The following KIAA0232 variants were observed in gnomAD, a reference collection of about 807,000 sequenced individuals.
KIAA0232 encodes uncharacterized protein KIAA0232.
KIAA0232 carries 27 observed loss-of-function variants against 122.0 expected under a neutral mutation model. That is an observed-to-expected ratio of 0.22 (90% CI 0.16 to 0.31). The LOEUF is 0.31. Among genes scored for constraint, KIAA0232 ranks in the 10% least tolerant of loss-of-function variants. The pLI is 1.00. For synonymous variants in KIAA0232, 613 were observed against 587.6 expected, an observed-to-expected ratio of 1.04 and a Z score of -0.63; for missense variants, 1,551 against 1,634.2, an observed-to-expected ratio of 0.95 and a Z score of 0.88.
In KIAA0232 at chr4:6,863,708, G is replaced by T. The variant is rs771540730; in HGVS notation, c.3326G>T (p.Arg1109Leu). ...AIRISPRTHF[R>L]PISASELSPG... ...CGGATCTCTCCTCGGACTCACTTTC[G>T]CCCAATTTCTGCATCCGAACTGTCC... The change falls in exon 7 of 10, where the codon CGC (arginine) becomes CTC (leucine). Residue 1109 changes from arginine to leucine, a missense_variant. By Grantham distance (102) the Arg-to-Leu change is moderately radical. Transcript: ENST00000307659. 6.2e-7 allele frequency: 1 copy of T among 1,614,124 alleles called. No individual in the cohort carries two copies. Among genetic ancestry groups the T allele is most frequent in the Non-Finnish European group, 8.5e-7 (1 of 1,180,018 alleles).
rs1390582816 is a variant in KIAA0232, at chr4:6,863,616, T to C, written c.3234T>C (p.Ser1078=). ...PSFKPKSILC[S]DSDSEVFHPR... ...TTAAACCGAAATCAATCCTCTGTTCTGATTCAGACAGTGAAGTGTTTCACC... is the reference window on the plus strand; with the variant it reads ...TTAAACCGAAATCAATCCTCTGTTCCGATTCAGACAGTGAAGTGTTTCACC... The change falls in exon 7 of 10, where the codon TCT becomes TCC. Residue 1078 remains serine (S), a synonymous_variant. Transcript: ENST00000307659. 3 of 1,614,210 alleles carry C rather than the reference T, an allele frequency of 1.9e-6. No homozygotes were observed. The Admixed American group carries it at 5.0e-5, about 27-fold the overall frequency.
chr4:6,843,594 A>G (rs1719779877), intron 4 of KIAA0232, among the ~76,000 whole-genome samples: 1 of 152,042 alleles, frequency 6.6e-6, no homozygotes, highest in Non-Finnish European at 1.5e-5. Context: ...ACATAGTGAA[A>G]CCCCATCTCT....
At chr4:6,840,148 C>T (rs1024141303) in intron 3 of KIAA0232, among the ~76,000 whole-genome samples, 1 of 152,192 alleles carries the variant, frequency 6.6e-6, no homozygotes, top group Non-Finnish European at 1.5e-5. Context: ...TGCTCTGCCT[C>T]TCTGCCTACC....
chr4:6,830,708 G>C (rs1390940377), intron 3 of KIAA0232, among the ~76,000 whole-genome samples: 1 of 151,950 alleles, frequency 6.6e-6, no homozygotes, highest in Non-Finnish European at 1.5e-5. Flanking sequence ...TGCCCGGCCT[G>C]TTTTCTTTAT....
At chr4:6,840,010 C>G (rs1223328497) in intron 3 of KIAA0232, among the ~76,000 whole-genome samples, 1 of 152,096 alleles carries the variant, frequency 6.6e-6, no homozygotes, top group Non-Finnish European at 1.5e-5. Flanking sequence ...GTATCTCATT[C>G]ACAAGCAACC....
Position 6,855,338 on chromosome 4 carries a change from T to C in KIAA0232, c.370-1826T>C, listed in dbSNP as rs1321318882. Among the ~76,000 whole-genome samples the C allele has an allele frequency of 6.6e-6, 1 of 152,132 alleles. No homozygotes were observed. Among genetic ancestry groups the C allele is most frequent in the African/African-American group, 2.4e-5 (1 of 41,432 alleles). The stretch of plus-strand genomic sequence containing the variant: ...CCTGACCTCAAGTGATCCACCCACC[T>C]TGGCCTCCCAAAGTGCTGGGATTAC... On this transcript the variant is annotated intron_variant, in intron 4 of 9. Transcript: ENST00000307659. This position sits in a 1 kb window ranked among gnomAD's most constrained non-coding sequence, Gnocchi z 4.3.
rs752568385 is a variant in KIAA0232, at chr4:6,861,449, G to A, written c.1067G>A (p.Ser356Asn). The A allele has an allele frequency of 1.5e-5, 25 of 1,614,100 alleles. No individual in the cohort carries two copies. Among genetic ancestry groups the A allele is most frequent in the Non-Finnish European group, 1.9e-5 (23 of 1,180,044 alleles). The change falls in exon 7 of 10, where the codon AGT (serine) becomes AAT (asparagine). Residue 356 changes from serine (S) to asparagine (N), a missense_variant. Ser to Asn is a conservative substitution (Grantham distance 46, BLOSUM62 1). This residue lies in a region of KIAA0232 where 377 missense variants were observed against 381.7 expected (regional missense o/e 0.99). Coordinates refer to ENST00000307659, the MANE Select transcript of KIAA0232 (RefSeq NM_014743.3). ...ACTGGAAGTAGTAGCAGTAGCAGCAGTGGTTCTGTCAAACAGCTGTGCAAG... is the reference window on the plus strand; with the variant it reads ...ACTGGAAGTAGTAGCAGTAGCAGCAATGGTTCTGTCAAACAGCTGTGCAAG... ...IHTGSSSSSS[S>N]GSVKQLCKRG...
At chr4:6,824,158 A>G (rs906008025) in intron 2 of KIAA0232, 27 bp from the exon 3 acceptor site, 31 of 494,406 alleles carry the variant, frequency 6.3e-5, no homozygotes, top group Admixed American at 1.1e-4. Context: ...TATAATGCAT[A>G]CTTTTTTTCC....
At chr4:6,783,247 G>A (rs1423236606) in intron 1 of KIAA0232, among the ~76,000 whole-genome samples, 1 of 152,226 alleles carries the variant, frequency 6.6e-6, no homozygotes, top group Non-Finnish European at 1.5e-5. Context: ...GTGCGGGTGA[G>A]CTGTGGGCCC....
In KIAA0232 at chr4:6,883,910, A is replaced by T. The variant is rs1306606776; in HGVS notation, c.*2944A>T. On this transcript the variant is annotated 3_prime_UTR_variant, in exon 10 of 10. Transcript: ENST00000307659. ...AAATTTACATTCAAGAGTGTACTAT[A>T]CTTGTTCTTCTATAACATCAGAAAT... 2 of 152,198 alleles carry T rather than the reference A, an allele frequency of 1.3e-5. No homozygotes were observed. Among genetic ancestry groups the T allele is most frequent in the Non-Finnish European group, 2.9e-5 (2 of 68,028 alleles). The allele number at this position is 152,198 out of a possible 1,614,324, so 9.4% of individuals were successfully genotyped here.
At chr4:6,876,516 C>T (rs1362800742) in intron 8 of KIAA0232, 144 bp from the exon 9 acceptor site, 10 of 569,212 alleles carry the variant, frequency 1.8e-5, no homozygotes, top group South Asian at 8.6e-5. Flanking sequence ...CTTTTAGTGA[C>T]GACTTAAAAC....
intron 5 of KIAA0232, 75 bp from the exon 6 acceptor site, chr4:6,858,350 G>T: frequency 1.2e-6 from 1 of 838,946 alleles, no homozygotes; most frequent in Non-Finnish European, 1.8e-6. Context: ...AAAATTAGTT[G>T]AGAAACTTTG....
At chr4:6,832,522 T>C (rs1719049705) in intron 3 of KIAA0232, among the ~76,000 whole-genome samples, 1 of 152,080 alleles carries the variant, frequency 6.6e-6, no homozygotes, top group African/African-American at 2.4e-5. Context: ...CTAATTTTTG[T>C]ATTTTTAGTA....
rs1048539088 is a variant in KIAA0232 at position 6,883,396 on chromosome 4, A to C, written c.*2430A>C. On this transcript the variant is annotated 3_prime_UTR_variant, in exon 10 of 10. Coordinates refer to ENST00000307659, the MANE Select transcript of KIAA0232 (RefSeq NM_014743.3). ...TTTGTTGTTTTTATTTCTCATAGCA[A>C]AGCTTCTTTTGTAAAGAACTCCAGC... 1.3e-5 allele frequency: 2 copies of C among 152,512 alleles called. No homozygotes were observed. Among genetic ancestry groups the C allele is most frequent in the Non-Finnish European group, 2.9e-5 (2 of 68,044 alleles). The allele number at this position is 152,512 out of a possible 1,614,324, so 9.4% of individuals were successfully genotyped here. A position where few individuals can be genotyped will look rare whatever the true frequency, so the allele number is the denominator to read the frequency against.
rs1480943378 is a variant in KIAA0232, at chr4:6,881,529, T to C, written c.*563T>C. ...AGTAGGAACCGCAGAGGTGTGCTTTTCAAGACTCACCAAATACTGTGTTTT... is the reference window on the plus strand; with the variant it reads ...AGTAGGAACCGCAGAGGTGTGCTTTCCAAGACTCACCAAATACTGTGTTTT... On this transcript the variant is annotated 3_prime_UTR_variant, in exon 10 of 10. Transcript: ENST00000307659. 6.5e-6 allele frequency: 1 copy of C among 152,680 alleles called. No homozygotes were observed. The highest frequency in any genetic ancestry group is 2.4e-5 in the African/African-American group (1 of 41,458). The allele number at this position is 152,680 out of a possible 1,614,324, so 9.5% of individuals were successfully genotyped here. A position where few individuals can be genotyped will look rare whatever the true frequency, so the allele number is the denominator to read the frequency against.
At position 6,862,951 on chromosome 4, in the gene KIAA0232, AACT is replaced by A; in HGVS notation, c.2573_2575del (p.Tyr858del). ...TGAGTTGTTTTCGGCAGATGTAAAT[AACT>A]ACTGCTGCTGTCTAGATGCTGAAGC... On this transcript the variant is annotated inframe_deletion, in exon 7 of 10. Coordinates refer to ENST00000307659, the MANE Select transcript of KIAA0232 (RefSeq NM_014743.3). 2 of 1,614,230 alleles carry A rather than the reference AACT, an allele frequency of 1.2e-6. No homozygotes were observed. Among genetic ancestry groups the A allele is most frequent in the Non-Finnish European group, 1.7e-6 (2 of 1,180,038 alleles).
intron 3 of KIAA0232, among the ~76,000 whole-genome samples, chr4:6,837,900 CGTGCAAA>C (rs1315099445): frequency 7.1e-6 from 1 of 141,344 alleles, no homozygotes; most frequent in African/African-American, 2.6e-5. Flanking sequence ...AGAGGGAGAC[CGTGCAAA>C]GGGGAGAGGG....
intron 1 of KIAA0232, among the ~76,000 whole-genome samples, chr4:6,790,848 G>C (rs930857703): frequency 2.4e-4 from 36 of 150,944 alleles, no homozygotes; most frequent in African/African-American, 7.5e-4. Flanking sequence ...ATAGATAATT[G>C]AGTCCTGATT....
chr4:6,877,241 G>A (rs1054714278), intron 9 of KIAA0232, among the ~76,000 whole-genome samples: 2 of 152,126 alleles, frequency 1.3e-5, no homozygotes, highest in South Asian at 2.1e-4. Context: ...CTCTGTGCAC[G>A]ACTCTTCTTG....
Sources: allele counts gnomAD v4.1 joint callset (sites outside exome capture counted in the v4.1 genomes callset), GRCh38; gene constraint gnomAD v4.1.1; regional missense constraint gnomAD v4.1.1; non-coding constraint Gnocchi (gnomAD v3.1); transcripts MANE v1.5; gene names NCBI Gene and HGNC (gene_info 2026-07-23, HGNC 2026-07-21).